Variants in TADA2A observed in about 807,000 individuals in gnomAD.
TADA2A encodes transcriptional adapter 2-alpha.
In TADA2A, 38 loss-of-function variants were observed where a neutral mutation model predicts 67.4. The ratio of observed to expected loss-of-function variants is 0.56; its 90% CI spans 0.44 to 0.74. The LOEUF is 0.74. TADA2A is among the 30% of genes least tolerant of loss of function. The pLI, the probability that TADA2A is intolerant of heterozygous loss-of-function variation, is 0.00. For missense variants in TADA2A, 454 were observed against 547.0 expected (o/e 0.83, Z 1.70); for synonymous variants, 192 against 181.6 (o/e 1.06, Z -0.46).
rs3216927 is a variant in TADA2A, at chr17:37,442,514, T to TC, written c.443-49dup. ...TTCTTGGACTATTATGTCATTTTTTTCATGCCAATATTGTATTAGTTAACT... is the reference window on the plus strand; with the variant it reads ...TTCTTGGACTATTATGTCATTTTTTTCCATGCCAATATTGTATTAGTTAACT... On this transcript the variant is annotated intron_variant, in intron 6 of 15. Coordinates refer to ENST00000615182, the MANE Select transcript of TADA2A (RefSeq NM_001166105.3). The TC allele has an allele frequency of 2.8e-4, 395 of 1,408,200 alleles. 1 individual carries two copies. The East Asian group carries it at 8.7e-3, about 31-fold the overall frequency. The allele number at this position is 1,408,200 out of a possible 1,614,324, so 87.2% of individuals were successfully genotyped here.
chr17:37,464,887 A>G (rs1475622686), intron 10 of TADA2A, among the ~76,000 whole-genome samples: 1 of 136,618 alleles, frequency 7.3e-6, no homozygotes, highest in Non-Finnish European at 1.6e-5. Context: ...TGGCTCATGC[A>G]TGTAATCCCA....
At chr17:37,438,615 A>G (rs548549155) in intron 5 of TADA2A, among the ~76,000 whole-genome samples, 12 of 152,306 alleles carry the variant, frequency 7.9e-5, no homozygotes, top group African/African-American at 2.9e-4. Context: ...CCTTATGTCC[A>G]GGGACCTGAA....
At chr17:37,429,508 A>G (rs1221027438) in intron 4 of TADA2A, among the ~76,000 whole-genome samples, 1 of 152,036 alleles carries the variant, frequency 6.6e-6, no homozygotes, top group Non-Finnish European at 1.5e-5. Context: ...TCTCGAACTC[A>G]GGGGTTCAAG....
chr17:37,470,633 G>C lies in TADA2A; in HGVS notation c.1028+101G>C, dbSNP rs189412062. 39 of 1,252,236 alleles carry C rather than the reference G, an allele frequency of 3.1e-5. No homozygotes were observed. In the Admixed American group the frequency reaches 6.7e-4, roughly 21 times the overall value. 77.6% of individuals were successfully genotyped at this position (1,252,236 alleles called of 1,614,324 possible). A position where few individuals can be genotyped will look rare whatever the true frequency, so the allele number is the denominator to read the frequency against. ...TAGATGGCAGAGTAATAATAATTGA[G>C]TAGCTGGAAGAATTCAGAAATATTT... is the stretch of plus-strand genomic sequence containing the variant. On this transcript the variant is annotated intron_variant, in intron 13 of 15. Coordinates refer to ENST00000615182, the MANE Select transcript of TADA2A (RefSeq NM_001166105.3).
At chr17:37,476,653 AAATGG>A in intron 15 of TADA2A, 139 bp from the exon 16 acceptor site, 1 of 748,762 alleles carries the variant, frequency 1.3e-6, no homozygotes, top group Non-Finnish European at 2.1e-6. Context: ...GGAAGAGACT[AAATGG>A]AATGTAGTCC....
intron 8 of TADA2A, among the ~76,000 whole-genome samples, chr17:37,447,624 AGAT>A (rs1220994976): frequency 6.6e-6 from 1 of 152,216 alleles, no homozygotes; most frequent in African/African-American, 2.4e-5. Flanking sequence ...AAAATAAAAA[AGAT>A]GATAACAGTT....
At chr17:37,414,258 A>G (rs887836529) in intron 2 of TADA2A, among the ~76,000 whole-genome samples, 2 of 152,062 alleles carry the variant, frequency 1.3e-5, no homozygotes, top group African/African-American at 4.8e-5. Context: ...TTTACGATTT[A>G]TTAGCATACA....
At chr17:37,430,437 T>C (rs1349318615) in intron 4 of TADA2A, among the ~76,000 whole-genome samples, 1 of 152,254 alleles carries the variant, frequency 6.6e-6, no homozygotes, top group East Asian at 1.9e-4. Context: ...ACTTTTGTCA[T>C]GTCACAGAGC....
intron 11 of TADA2A, 51 bp from the exon 12 acceptor site, chr17:37,467,403 T>A (rs751910412): frequency 6.7e-7 from 1 of 1,491,214 alleles, no homozygotes; most frequent in Non-Finnish European, 9.3e-7. Flanking sequence ...TGCTCACTAA[T>A]GTTGCTTTTG....
chr17:37,408,607 C>T (rs1048450014), intron 1 of TADA2A: 8 of 152,224 alleles, frequency 5.3e-5, no homozygotes, highest in African/African-American at 1.9e-4. Flanking sequence ...GCGCAAGTAA[C>T]ATACTCTTTC....
At position 37,465,478 on chromosome 17, in the gene TADA2A, A is replaced by G. The variant is rs774171350; in HGVS notation, c.760A>G (p.Met254Val). The change falls in exon 11 of 16, where the codon ATG becomes GTG. Residue 254 changes from methionine (M) to valine (V), a missense_variant. By Grantham distance (21) the Met-to-Val change is conservative (BLOSUM62 1). This residue lies in a region of TADA2A where 403 missense variants were observed against 455.5 expected (regional missense o/e 0.88). Transcript: ENST00000615182. ...GGAGGTCCAGGACCTGTATGAAACAATGAGGCGATTTGCAAGAATTGTGGG... is the reference window on the plus strand; with the variant it reads ...GGAGGTCCAGGACCTGTATGAAACAGTGAGGCGATTTGCAAGAATTGTGGG... ...PKEVQDLYET[M>V]RRFARIVGPV... 1.2e-5 allele frequency: 20 copies of G among 1,614,030 alleles called. No individual in the cohort carries two copies. The Admixed American group carries it at 1.8e-4, about 15-fold the overall frequency.
At chr17:37,458,676 T>G in intron 9 of TADA2A, 89 bp downstream of exon 9, 1 of 1,081,840 alleles carries the variant, frequency 9.2e-7, no homozygotes, top group Non-Finnish European at 1.3e-6. Context: ...TGTGTGTGTC[T>G]GTGTCTGTGT....
At chr17:37,446,621 A>C (rs768333672) in intron 8 of TADA2A, among the ~76,000 whole-genome samples, 1 of 151,712 alleles carries the variant, frequency 6.6e-6, no homozygotes, top group Non-Finnish European at 1.5e-5. Context: ...CTTTAAAACA[A>C]ATTTTTAAAA....
intron 3 of TADA2A, among the ~76,000 whole-genome samples, chr17:37,424,506 C>G (rs1161268900): frequency 1.3e-5 from 2 of 151,640 alleles, no homozygotes; most frequent in Non-Finnish European, 2.9e-5. Context: ...CAGAGCAAGA[C>G]TCTGTATCAA....
chr17:37,439,100 C>T (rs1284918723), intron 5 of TADA2A, among the ~76,000 whole-genome samples: 1 of 152,054 alleles, frequency 6.6e-6, no homozygotes, highest in African/African-American at 2.4e-5. Flanking sequence ...TACCTTGGCT[C>T]AAGTCAGGGA....
At position 37,450,334 on chromosome 17, in the gene TADA2A, G is replaced by A. The variant is rs1597908385; in HGVS notation, c.604+5566G>A. The stretch of plus-strand genomic sequence containing the variant: ...GCTTCTGGGGAATACCTGTGTCACA[G>A]GTTTCTACTTGTTTGGTCGCAGTAG... On this transcript the variant is annotated intron_variant, in intron 8 of 15. Coordinates refer to ENST00000615182, the MANE Select transcript of TADA2A (RefSeq NM_001166105.3). Among the ~76,000 whole-genome samples the A allele has an allele frequency of 2.0e-5, 3 of 152,278 alleles. 1 individual carries two copies. The highest frequency in any genetic ancestry group is 2.0e-4 in the Admixed American group (3 of 15,294).
chr17:37,479,370 T>C lies in TADA2A; in HGVS notation c.*2388T>C, dbSNP rs1568193231. On this transcript the variant is annotated 3_prime_UTR_variant, in exon 16 of 16. Transcript: ENST00000615182. The stretch of plus-strand genomic sequence containing the variant: ...TCTGAAAAGCTGATGGCAAATCAGA[T>C]TTCATGAGGAAAATGGCATGGTTGA... 1 of 152,166 alleles carries C rather than the reference T, an allele frequency of 6.6e-6. No individual in the cohort carries two copies. The highest frequency in any genetic ancestry group is 1.5e-5 in the Non-Finnish European group (1 of 68,032). 9.4% of individuals were successfully genotyped at this position (152,166 alleles called of 1,614,324 possible).
At chr17:37,411,128 GA>G (rs1423767435) in intron 1 of TADA2A, 140 bp from the exon 2 acceptor site, 3 of 580,616 alleles carry the variant, frequency 5.2e-6, no homozygotes, top group Non-Finnish European at 9.2e-6. Context: ...TACAGAGGAA[GA>G]AACAGGTTTT....
chr17:37,471,275 T>A, intron 14 of TADA2A, 138 bp downstream of exon 14: 1 of 804,096 alleles, frequency 1.2e-6, no homozygotes, highest in South Asian at 1.6e-5. Flanking sequence ...TAGCCCAATA[T>A]ATAAACATCA....
Sources: allele counts gnomAD v4.1 joint callset (sites outside exome capture counted in the v4.1 genomes callset), GRCh38; gene constraint gnomAD v4.1.1; regional missense constraint gnomAD v4.1.1; transcripts MANE v1.5; gene names NCBI Gene and HGNC (gene_info 2026-07-23, HGNC 2026-07-21).